TBC1D19: variants seen among roughly 807,000 people sequenced by gnomAD.
The protein encoded by TBC1D19 is TBC1 domain family, member 19.
TBC1D19 carries 60 observed loss-of-function variants against 89.0 expected under a neutral mutation model. The ratio of observed to expected loss-of-function variants is 0.67; its 90% CI spans 0.55 to 0.84. The LOEUF is 0.84. TBC1D19 is among the 40% of genes least tolerant of loss of function. The pLI is 0.00. For missense variants in TBC1D19, 500 were observed against 610.8 expected, an observed-to-expected ratio of 0.82 and a Z score of 1.91; for synonymous variants, 189 against 199.7, an observed-to-expected ratio of 0.95 and a Z score of 0.45.
chr4:26,682,983 T>C (rs1221637884), intron 11 of TBC1D19, among the ~76,000 whole-genome samples: 1 of 152,158 alleles, frequency 6.6e-6, no homozygotes, highest in African/African-American at 2.4e-5. Context: ...TCTCAGTCTG[T>C]TGCCCAGGCT....
At chr4:26,678,981 T>C (rs193112540) in intron 11 of TBC1D19, among the ~76,000 whole-genome samples, 1 of 152,294 alleles carries the variant, frequency 6.6e-6, no homozygotes, top group East Asian at 1.9e-4. Context: ...AAGAAATTTC[T>C]AAGCAGCAAA....
chr4:26,604,126 C>T (rs1740809100), intron 1 of TBC1D19, among the ~76,000 whole-genome samples: 1 of 149,528 alleles, frequency 6.7e-6, no homozygotes, highest in Non-Finnish European at 1.5e-5. Flanking sequence ...CATGTTGTAA[C>T]ATGTGTCAGA....
intron 8 of TBC1D19, among the ~76,000 whole-genome samples, chr4:26,661,340 C>T (rs1286599663): frequency 6.6e-6 from 1 of 152,136 alleles, no homozygotes; most frequent in African/African-American, 2.4e-5. Flanking sequence ...CCTTCTTTTT[C>T]CTTACCCTCA....
the TBC1D19 span, among the ~76,000 whole-genome samples, chr4:26,835,501 G>A: frequency 5.3e-5 from 8 of 152,126 alleles, no homozygotes; most frequent in African/African-American, 1.7e-4. Context: ...CTACATTTTC[G>A]ATCTCAGCAG....
At chr4:26,801,282 T>G in the TBC1D19 span, among the ~76,000 whole-genome samples, 1 of 151,880 alleles carries the variant, frequency 6.6e-6, no homozygotes, top group African/African-American at 2.4e-5. Flanking sequence ...CCCCATTTCT[T>G]CTTTTTGTCA....
chr4:26,842,784 T>C, the TBC1D19 span, among the ~76,000 whole-genome samples: 1 of 152,046 alleles, frequency 6.6e-6, no homozygotes, highest in Non-Finnish European at 1.5e-5. Flanking sequence ...ATTAGGATTA[T>C]AGGCGTGAGC....
At chr4:26,732,079 T>C (rs950044240) in intron 15 of TBC1D19, among the ~76,000 whole-genome samples, 7 of 152,210 alleles carry the variant, frequency 4.6e-5, no homozygotes, top group African/African-American at 1.7e-4. Flanking sequence ...TGTGTAAGAA[T>C]ATTCGTAACA....
chr4:26,716,036 C>T (rs1716581094), intron 13 of TBC1D19, among the ~76,000 whole-genome samples: 2 of 152,116 alleles, frequency 1.3e-5, no homozygotes, highest in Non-Finnish European at 2.9e-5. Context: ...TTTAAAGTGT[C>T]ACCCACTCTT....
intron 8 of TBC1D19, 47 bp from the exon 9 acceptor site, chr4:26,666,286 C>T: frequency 6.8e-7 from 1 of 1,475,576 alleles, no homozygotes; most frequent in Admixed American, 1.7e-5. Context: ...TAACAATGTG[C>T]AGCAAAGTCT....
the TBC1D19 span, among the ~76,000 whole-genome samples, chr4:26,827,769 G>A: frequency 6.8e-6 from 1 of 147,428 alleles, no homozygotes; most frequent in Non-Finnish European, 1.5e-5. Flanking sequence ...AGAATGCAGT[G>A]CCTATTTACA....
intron 1 of TBC1D19, among the ~76,000 whole-genome samples, chr4:26,593,997 C>T (rs1740014100): frequency 6.6e-6 from 1 of 152,136 alleles, no homozygotes; most frequent in Admixed American, 6.5e-5. Flanking sequence ...TGGGTATATA[C>T]CCAAAGGATT....
chr4:26,803,326 G>A, the TBC1D19 span, among the ~76,000 whole-genome samples: 1 of 152,188 alleles, frequency 6.6e-6, no homozygotes, highest in East Asian at 1.9e-4. Context: ...CAGGCTCCGG[G>A]AGGATTATTT....
the TBC1D19 span, among the ~76,000 whole-genome samples, chr4:26,769,112 A>G: frequency 6.6e-6 from 1 of 152,138 alleles, no homozygotes; most frequent in Non-Finnish European, 1.5e-5. Flanking sequence ...ACAACATATT[A>G]CAAGCTAGAA....
chr4:26,730,621 A>G (rs757187162), intron 15 of TBC1D19, among the ~76,000 whole-genome samples: 2 of 152,194 alleles, frequency 1.3e-5, no homozygotes, highest in Admixed American at 6.5e-5. Context: ...CTTTGATAAC[A>G]ATCTGGAAGG....
At chr4:26,716,391 G>T (rs964541128) in intron 13 of TBC1D19, among the ~76,000 whole-genome samples, 1 of 152,050 alleles carries the variant, frequency 6.6e-6, no homozygotes, top group Non-Finnish European at 1.5e-5. Flanking sequence ...AGTAAATAAA[G>T]AAAATGTGGG....
intron 17 of TBC1D19, among the ~76,000 whole-genome samples, chr4:26,741,584 G>C (rs1718378427): frequency 6.6e-6 from 1 of 150,634 alleles, no homozygotes; most frequent in Admixed American, 6.6e-5. Context: ...GTGGCCCTGG[G>C]TATTCTTTTT....
At chr4:26,782,077 A>G in the TBC1D19 span, among the ~76,000 whole-genome samples, 1 of 152,168 alleles carries the variant, frequency 6.6e-6, no homozygotes, top group African/African-American at 2.4e-5. Flanking sequence ...TCCTGCTCAC[A>G]TATGTAATGG....
Position 26,605,633 on chromosome 4 carries a change from A to T in TBC1D19, c.100-7536A>T, listed in dbSNP as rs541974816. ...AGATCCCTGAGGAATCGCCACACTG[A>T]CTTCCACAATGGTTGAACTAGTTTA... On this transcript the variant is annotated intron_variant, in intron 1 of 20. Transcript: ENST00000264866. Among the ~76,000 whole-genome samples the T allele has an allele frequency of 1.5e-3, 235 of 152,234 alleles. 1 individual carries two copies. The highest frequency in any genetic ancestry group is 7.3e-3 in the South Asian group (35 of 4,820).
At chr4:26,771,927 T>C in the TBC1D19 span, among the ~76,000 whole-genome samples, 1 of 152,026 alleles carries the variant, frequency 6.6e-6, no homozygotes, top group Admixed American at 6.6e-5. Context: ...ACAAAAACAG[T>C]AGTGTCATTA....
Sources: gnomAD v4.1 joint callset for allele counts (sites outside exome capture counted in the v4.1 genomes callset) on GRCh38, gnomAD v4.1.1 for gene constraint, MANE v1.5 for transcripts, NCBI Gene and HGNC (gene_info 2026-07-23, HGNC 2026-07-21) for gene names.